Variants in NGLY1 observed in about 807,000 individuals in gnomAD.
NGLY1 encodes N-glycanase 1.
In NGLY1, 68 loss-of-function variants were observed where a neutral mutation model predicts 84.6. That is an observed-to-expected ratio of 0.80 (90% CI 0.66 to 0.98). The LOEUF is 0.98. Ranked by LOEUF, NGLY1 falls within the 50% of genes least tolerant of loss-of-function variation. The pLI, the probability that NGLY1 is intolerant of heterozygous loss-of-function variation, is 0.00. For missense variants in NGLY1, 779 were observed against 770.2 expected (o/e 1.01, Z -0.14); for synonymous variants, 280 against 275.2 (o/e 1.02, Z -0.17).
chr3:25,727,145 T>C (rs796952308), intron 10 of NGLY1, among the ~76,000 whole-genome samples: 2 of 152,316 alleles, frequency 1.3e-5, no homozygotes, highest in African/African-American at 4.8e-5. Context: ...ACTTAAGTTA[T>C]AACGACAATT....
chr3:25,764,783 G>T (rs114762292), intron 2 of NGLY1, among the ~76,000 whole-genome samples: 1 of 152,118 alleles, frequency 6.6e-6, no homozygotes, highest in Non-Finnish European at 1.5e-5. Flanking sequence ...AACAACCTTT[G>T]AATCTTGTTA....
At chr3:25,742,762 T>TC in intron 4 of NGLY1, among the ~76,000 whole-genome samples, 1 of 151,432 alleles carries the variant, frequency 6.6e-6, no homozygotes, top group Middle Eastern at 3.4e-3. Context: ...TCATTCAAAA[T>TC]AAAATTCAAA....
intron 2 of NGLY1, among the ~76,000 whole-genome samples, chr3:25,775,556 CAT>C (rs1462991679): frequency 3.3e-5 from 5 of 152,070 alleles, no homozygotes; most frequent in Non-Finnish European, 5.9e-5. Flanking sequence ...ACAAATAACA[CAT>C]GTTCTCACTC....
At chr3:25,762,289 T>C (rs1707355677) in intron 3 of NGLY1, among the ~76,000 whole-genome samples, 1 of 152,188 alleles carries the variant, frequency 6.6e-6, no homozygotes, top group African/African-American at 2.4e-5. Context: ...ATGGGCAAGG[T>C]AGAAGAAAAC....
chr3:25,773,616 A>T (rs1429141449), intron 2 of NGLY1, among the ~76,000 whole-genome samples: 2 of 151,974 alleles, frequency 1.3e-5, no homozygotes, highest in Non-Finnish European at 2.9e-5. Flanking sequence ...TTTTCTGGCA[A>T]TTCAGAGATT....
intron 3 of NGLY1, 149 bp downstream of exon 3, chr3:25,763,917 G>A (rs1475728379): frequency 3.9e-6 from 4 of 1,015,992 alleles, no homozygotes; most frequent in Non-Finnish European, 5.6e-6. Context: ...TTTTTAAAGA[G>A]CTGAAGAAAT....
At chr3:25,747,917 T>G (rs1352239089) in intron 4 of NGLY1, among the ~76,000 whole-genome samples, 1 of 152,180 alleles carries the variant, frequency 6.6e-6, no homozygotes, top group African/African-American at 2.4e-5. Flanking sequence ...CACACTTCTG[T>G]GCATTTTGTC....
chr3:25,729,905 A>T (rs1328864595), intron 9 of NGLY1: 1 of 152,072 alleles, frequency 6.6e-6, no homozygotes, highest in Non-Finnish European at 1.5e-5. Flanking sequence ...TTCCTCAAAA[A>T]GGTCCAGCTC....
intron 10 of NGLY1, among the ~76,000 whole-genome samples, chr3:25,723,903 C>T (rs1705130826): frequency 6.6e-6 from 1 of 152,142 alleles, no homozygotes; most frequent in South Asian, 2.1e-4. Flanking sequence ...ATATACCACC[C>T]AACCCCTCCT....
chr3:25,751,038 T>C, intron 4 of NGLY1, 60 bp downstream of exon 4: 1 of 1,520,862 alleles, frequency 6.6e-7, no homozygotes, highest in East Asian at 2.3e-5. Flanking sequence ...TATTTCAGTA[T>C]TTTCTGTTTA....
chr3:25,725,128 C>T (rs1290395091), intron 10 of NGLY1, among the ~76,000 whole-genome samples: 1 of 152,212 alleles, frequency 6.6e-6, no homozygotes, highest in Non-Finnish European at 1.5e-5. Flanking sequence ...AGAATCTGAA[C>T]AGACAGGCTT....
At chr3:25,738,116 G>T (rs1374114170) in intron 5 of NGLY1, among the ~76,000 whole-genome samples, 1 of 152,170 alleles carries the variant, frequency 6.6e-6, no homozygotes, top group Non-Finnish European at 1.5e-5. Context: ...AAGATTTGGA[G>T]AAGCAAATTC....
intron 10 of NGLY1, among the ~76,000 whole-genome samples, chr3:25,722,526 T>C (rs1705054447): frequency 6.6e-6 from 1 of 152,202 alleles, no homozygotes; most frequent in Admixed American, 6.5e-5. Context: ...GCCCATTAAT[T>C]TAATCTGAAA....
intron 2 of NGLY1, among the ~76,000 whole-genome samples, chr3:25,769,251 T>C (rs1707777037): frequency 6.6e-6 from 1 of 152,028 alleles, no homozygotes; most frequent in Non-Finnish European, 1.5e-5. Flanking sequence ...GTCCCAACTA[T>C]TCAGGAGGTT....
chr3:25,720,143 TC>T lies in NGLY1; in HGVS notation c.1659del (p.Trp553Ter). Reference sequence around the variant, plus strand: ...AGGCCAACTGACCCACACTCAAACTTCCAGGAAATATAAGCAAAAGATGATC... The same window carrying T: ...AGGCCAACTGACCCACACTCAAACTTCAGGAAATATAAGCAAAAGATGATC... Reference protein sequence around the residue: ...KEGSSFAYISWKFECGSVGLK... With the variant: ...KEGSSFAYISXKFECGSVGLK... On this transcript the variant is annotated frameshift_variant, in exon 11 of 12. Transcript: ENST00000280700. LOFTEE classifies it high-confidence loss of function. 1 of 1,613,770 alleles carries T rather than the reference TC, an allele frequency of 6.2e-7. No individual in the cohort carries two copies. The highest frequency in any genetic ancestry group is 1.3e-5 in the African/African-American group (1 of 74,964).
Position 25,755,220 on chromosome 3 carries a change from A to G in NGLY1, c.493-3957T>C, listed in dbSNP as rs1575639970. On this transcript the variant is annotated intron_variant, in intron 3 of 11. Transcript: ENST00000280700. The stretch of plus-strand genomic sequence containing the variant: ...TTACTGGATATTGCAAGGCAGAAAA[A>G]TCAAACCCCTTTGCCACTGATTAAG... 4.4e-6 allele frequency: 6 copies of G among 1,374,168 alleles called. No homozygotes were observed. In the East Asian group the frequency reaches 1.1e-4, roughly 26 times the overall value. The allele number at this position is 1,374,168 out of a possible 1,614,324, so 85.1% of individuals were successfully genotyped here. A position where few individuals can be genotyped will look rare whatever the true frequency, so the allele number is the denominator to read the frequency against.
intron 6 of NGLY1, chr3:25,736,393 C>T: frequency 1.3e-6 from 2 of 1,549,552 alleles, no homozygotes; most frequent in Middle Eastern, 3.3e-4. Flanking sequence ...TTAATGTGCG[C>T]TGTAACTCTT....
At chr3:25,774,194 G>A (rs1708038544) in intron 2 of NGLY1, among the ~76,000 whole-genome samples, 2 of 152,186 alleles carry the variant, frequency 1.3e-5, no homozygotes, top group African/African-American at 2.4e-5. Flanking sequence ...CTTTTCTTGG[G>A]GCAGAGTTGT....
chr3:25,733,466 C>CGTGTATGTGTGTGTGTGTGT (rs1491564606), intron 8 of NGLY1, among the ~76,000 whole-genome samples: 14 of 134,212 alleles, frequency 1.0e-4, no homozygotes, highest in African/African-American at 3.9e-4. Context: ...CTCACATGGA[C>CGTGTATGTGTGTGTGTGTGT]GTGTGTGTGT....
Sources: gnomAD v4.1 joint callset for allele counts (sites outside exome capture counted in the v4.1 genomes callset) on GRCh38, gnomAD v4.1.1 for gene constraint, MANE v1.5 for transcripts, NCBI Gene and HGNC (gene_info 2026-07-23, HGNC 2026-07-21) for gene names.